TMEM175: variants seen among roughly 807,000 people sequenced by gnomAD.
TMEM175 encodes endosomal/lysosomal proton channel TMEM175.
Under a neutral mutation model 36.5 loss-of-function variants are expected in TMEM175, and 36 were observed. The ratio of observed to expected loss-of-function variants is 0.99; its 90% CI spans 0.76 to 1.30. The LOEUF (loss-of-function observed/expected upper bound fraction) is 1.30. TMEM175 is among the 50% of genes most tolerant of loss of function. The probability of loss-of-function intolerance (pLI) is 0.00; values close to 1 mark genes in which losing one functional copy is unlikely to be tolerated. For synonymous variants in TMEM175, 339 were observed against 313.4 expected, an observed-to-expected ratio of 1.08 and a Z score of -0.86; for missense variants, 705 against 692.8, an observed-to-expected ratio of 1.02 and a Z score of -0.20.
At chr4:942,282 A>G (rs1277870829) in intron 1 of TMEM175, among the ~76,000 whole-genome samples, 1 of 151,856 alleles carries the variant, frequency 6.6e-6, no homozygotes, top group East Asian at 1.9e-4. Flanking sequence ...GGCCAGGATG[A>G]TCTCGATCTC....
chr4:937,964 AT>A (rs1337091383), intron 1 of TMEM175, among the ~76,000 whole-genome samples: 3 of 152,092 alleles, frequency 2.0e-5, no homozygotes, highest in Admixed American at 2.0e-4. Context: ...ACAGAGAAGC[AT>A]TTGACAGAAT....
intron 6 of TMEM175, 77 bp from the exon 7 acceptor site, chr4:952,290 A>C: frequency 7.5e-7 from 1 of 1,336,460 alleles, no homozygotes; most frequent in Non-Finnish European, 1.1e-6. Context: ...GGGGAGGCTC[A>C]CCATGGCCCA....
At chr4:947,014 C>T (rs1728238883) in intron 1 of TMEM175, among the ~76,000 whole-genome samples, 1 of 146,376 alleles carries the variant, frequency 6.8e-6, no homozygotes, top group Non-Finnish European at 1.5e-5. Context: ...AGAGCGCGGC[C>T]CCTGTAGGAG....
chr4:948,235 T>C (rs749021874), intron 3 of TMEM175, 81 bp downstream of exon 3: 1 of 1,612,494 alleles, frequency 6.2e-7, no homozygotes, highest in South Asian at 1.1e-5. Flanking sequence ...CACAGGGTGC[T>C]GACCCTGCAC....
chr4:950,765 G>T (rs533226822), intron 4 of TMEM175, among the ~76,000 whole-genome samples: 15 of 141,424 alleles, frequency 1.1e-4, no homozygotes, highest in Non-Finnish European at 2.0e-4. Context: ...AGGTGTGGAC[G>T]GTGTGGATGG....
At position 957,893 on chromosome 4, in the gene TMEM175, T is replaced by C. The variant is rs6854241; in HGVS notation, c.912T>C (p.Ser304=). ...GCGGCAGCCTCGTGGCCGCCCTGAG[T>C]GCGACCGGGCCGCGCTTCCTGGCGT... The part of the protein sequence containing the change: ...RFSGSLVAAL[S]ATGPRFLAYF... The change falls in exon 11 of 11, where the codon AGT becomes AGC. Residue 304 remains serine (S), a synonymous_variant. Coordinates refer to ENST00000264771, the MANE Select transcript of TMEM175 (RefSeq NM_032326.4). 6.2e-3 allele frequency: 9,926 copies of C among 1,612,754 alleles called. 510 individuals are homozygous for C. In the African/African-American group the frequency reaches 0.11, roughly 19 times the overall value.
chr4:958,253 G>A lies in TMEM175; in HGVS notation c.1272G>A (p.Ala424=), dbSNP rs750598320. ...ATGTGCTCATGTTCGCCAAGCTGGC[G>A]CTGTACCCCTGTGCCAGCCTGCTGG... The part of the protein sequence containing the change: ...REHVLMFAKL[A]LYPCASLLAF... The change falls in exon 11 of 11, where the codon GCG becomes GCA. Residue 424 remains alanine, a synonymous_variant. Coordinates refer to ENST00000264771, the MANE Select transcript of TMEM175 (RefSeq NM_032326.4). The A allele has an allele frequency of 4.0e-5, 64 of 1,605,616 alleles. No individual in the cohort carries two copies. The highest frequency in any genetic ancestry group is 2.6e-4 in the South Asian group (24 of 91,068).
intron 7 of TMEM175, 113 bp downstream of exon 7, chr4:952,563 CTGTGTGTG>C (rs147980248): frequency 1.1e-3 from 726 of 661,810 alleles, no homozygotes; most frequent in African/African-American, 4.0e-3. Flanking sequence ...GGGGCCTGCA[CTGTGTGTG>C]TGTGTGTGTG....
chr4:952,132 G>A (rs529613730), intron 6 of TMEM175, among the ~76,000 whole-genome samples: 3 of 152,362 alleles, frequency 2.0e-5, no homozygotes, highest in South Asian at 4.1e-4. Context: ...GGGGAATTCC[G>A]TATGAATCGG....
At position 958,129 on chromosome 4, in the gene TMEM175, T is replaced by A. The variant is rs2153006511; in HGVS notation, c.1148T>A (p.Ile383Asn). 1 of 1,603,296 alleles carries A rather than the reference T, an allele frequency of 6.2e-7. No individual in the cohort carries two copies. The highest frequency in any genetic ancestry group is 8.5e-7 in the Non-Finnish European group (1 of 1,179,696). ...CGCGTGCGTGTCAGCTGCACCATCATCTTCCTGGCCAGCATCTTCCAGCTG... is the reference window on the plus strand; with the variant it reads ...CGCGTGCGTGTCAGCTGCACCATCAACTTCCTGGCCAGCATCTTCCAGCTG... ...LERVRVSCTI[I>N]FLASIFQLAM... Residue 383 changes from isoleucine (I) to asparagine (N), a missense_variant, in exon 11 of 11, where the codon ATC (isoleucine) becomes AAC (asparagine). Coordinates refer to ENST00000264771, the MANE Select transcript of TMEM175 (RefSeq NM_032326.4).
intron 2 of TMEM175, 93 bp downstream of exon 2, chr4:947,985 T>A (rs765155236): frequency 6.2e-7 from 1 of 1,611,390 alleles, no homozygotes; most frequent in South Asian, 1.1e-5. Flanking sequence ...CTTGCCAGCA[T>A]CCTTGGGTCC....
chr4:933,025 C>G (rs918681314), intron 1 of TMEM175, among the ~76,000 whole-genome samples: 2 of 152,208 alleles, frequency 1.3e-5, no homozygotes, highest in African/African-American at 4.8e-5. Flanking sequence ...TGACATTTTC[C>G]AAGGCAAAAG....
At chr4:945,556 C>T (rs913998742) in intron 1 of TMEM175, among the ~76,000 whole-genome samples, 15 of 152,168 alleles carry the variant, frequency 9.9e-5, no homozygotes, top group African/African-American at 3.4e-4. Context: ...TTGTTTTTCC[C>T]GGCTGGAAAC....
intron 4 of TMEM175, 84 bp from the exon 5 acceptor site, chr4:951,123 C>G: frequency 7.8e-7 from 1 of 1,280,588 alleles, no homozygotes; most frequent in South Asian, 1.2e-5. Context: ...GATGTTTTAA[C>G]CAGAAGATGC....
Position 956,059 on chromosome 4 carries a change from A to ACCTTCCCGGCGGCCCCTC in TMEM175, c.842+177_842+194dup, listed in dbSNP as rs571117260. ...GGCAGCCCCCACTTCAGGGAGGACA[A>ACCTTCCCGGCGGCCCCTC]CCTTCCCGGCGGCCCCTCCCTTCCC... On this transcript the variant is annotated intron_variant, in intron 10 of 10. Coordinates refer to ENST00000264771, the MANE Select transcript of TMEM175 (RefSeq NM_032326.4). The ACCTTCCCGGCGGCCCCTC allele has an allele frequency of 2.1e-3, 1,746 of 849,588 alleles. 47 individuals are homozygous for ACCTTCCCGGCGGCCCCTC. In the South Asian group the frequency reaches 0.033, roughly 16 times the overall value. 52.6% of individuals were successfully genotyped at this position (849,588 alleles called of 1,614,324 possible). A position where few individuals can be genotyped will look rare whatever the true frequency, so the allele number is the denominator to read the frequency against.
intron 8 of TMEM175, 39 bp from the exon 9 acceptor site, chr4:955,366 C>G (rs1455154677): frequency 6.4e-7 from 1 of 1,557,190 alleles, no homozygotes; most frequent in South Asian, 1.1e-5. Flanking sequence ...GCCTCGGACC[C>G]CTGTGGAGGG....
Position 958,137 on chromosome 4 carries a change from G to C in TMEM175, c.1156G>C (p.Ala386Pro). The change falls in exon 11 of 11, where the codon GCC becomes CCC. Residue 386 changes from alanine to proline, a missense_variant. Ala to Pro is a conservative substitution (Grantham distance 27, BLOSUM62 -1). Coordinates refer to ENST00000264771, the MANE Select transcript of TMEM175 (RefSeq NM_032326.4). ...TGTCAGCTGCACCATCATCTTCCTG[G>C]CCAGCATCTTCCAGCTGGCCATGTG... ...VRVSCTIIFL[A>P]SIFQLAMWTT... 6.2e-7 allele frequency: 1 copy of C among 1,603,110 alleles called. No individual in the cohort carries two copies. Among genetic ancestry groups the C allele is most frequent in the Non-Finnish European group, 8.5e-7 (1 of 1,179,614 alleles).
rs749816826 is a variant in TMEM175 at position 958,497 on chromosome 4, C to T, written c.*1C>T. Reference sequence around the variant, plus strand: ...CCAGCTCCTCCCTGCCCCCTGCTAGCAGCCACAGAGCCCACTCCCAGCCGT... The same window carrying T: ...CCAGCTCCTCCCTGCCCCCTGCTAGTAGCCACAGAGCCCACTCCCAGCCGT... On this transcript the variant is annotated 3_prime_UTR_variant, in exon 11 of 11. Transcript: ENST00000264771. 9 of 1,515,976 alleles carry T rather than the reference C, an allele frequency of 5.9e-6. No homozygotes were observed. The highest frequency in any genetic ancestry group is 2.4e-5 in the East Asian group (1 of 41,612). The allele number at this position is 1,515,976 out of a possible 1,614,324, so 93.9% of individuals were successfully genotyped here.
At chr4:953,440 G>A in intron 8 of TMEM175, 86 bp downstream of exon 8, 1 of 1,469,060 alleles carries the variant, frequency 6.8e-7, no homozygotes. Context: ...AAACACGGGG[G>A]TGGGGGCAGA....
Sources: allele counts gnomAD v4.1 joint callset (sites outside exome capture counted in the v4.1 genomes callset), GRCh38; gene constraint gnomAD v4.1.1; transcripts MANE v1.5; gene names NCBI Gene and HGNC (gene_info 2026-07-23, HGNC 2026-07-21).